Variants in DYNC1LI2 observed in about 807,000 individuals in gnomAD.
The protein encoded by DYNC1LI2 is cytoplasmic dynein 1 light intermediate chain 2.
A neutral mutation model predicts 57.8 loss-of-function variants in DYNC1LI2; 19 were observed. The ratio of observed to expected loss-of-function variants is 0.33; its 90% CI spans 0.23 to 0.48. The LOEUF (loss-of-function observed/expected upper bound fraction) is 0.48. Ranked by LOEUF, DYNC1LI2 falls within the 20% of genes least tolerant of loss-of-function variation. DYNC1LI2 has a pLI of 0.99. For synonymous variants in DYNC1LI2, 256 were observed against 233.4 expected, an observed-to-expected ratio of 1.10 and a Z score of -0.88; for missense variants, 470 against 604.2, an observed-to-expected ratio of 0.78 and a Z score of 2.33.
chr16:66,732,112 G>C (rs147393211), intron 7 of DYNC1LI2: 3 of 495,884 alleles, frequency 6.0e-6, no homozygotes, highest in Non-Finnish European at 1.0e-5. Context: ...GGCTGGCTTA[G>C]GTTTTGGCAA....
At position 66,721,354 on chromosome 16, in the gene DYNC1LI2, C is replaced by G. The variant is rs765289619; in HGVS notation, c.*2368G>C. The G allele has an allele frequency of 1.1e-4, 17 of 152,128 alleles. No individual in the cohort carries two copies. The highest frequency in any genetic ancestry group is 6.9e-3 in the Middle Eastern group (2 of 290). 9.4% of individuals were successfully genotyped at this position (152,128 alleles called of 1,614,324 possible). On this transcript the variant is annotated 3_prime_UTR_variant, in exon 13 of 13. Coordinates refer to ENST00000258198, the MANE Select transcript of DYNC1LI2 (RefSeq NM_006141.3). ...CTGATTTTTTTTTTTATTTTAAAGA[C>G]AAAAAGCAGATGTAACCATTATAAT... is the stretch of plus-strand genomic sequence containing the variant.
Position 66,751,307 on chromosome 16 carries a change from G to A in DYNC1LI2, c.147C>T (p.Ser49=). 1 of 1,612,378 alleles carries A rather than the reference G, an allele frequency of 6.2e-7. No individual in the cohort carries two copies. Among genetic ancestry groups the A allele is most frequent in the Non-Finnish European group, 8.5e-7 (1 of 1,179,190 alleles). The stretch of plus-strand genomic sequence containing the variant: ...GGATGTTCTTGCCGGACGGCAGCTT[G>A]GACCTGGCGCGGGTGGACACTTCGC... ...ILSEVSTRAR[S]KLPSGKNILV... Residue 49 remains serine (S), a synonymous_variant, in exon 2 of 13, where the codon TCC becomes TCT. Transcript: ENST00000258198. This position sits in a 1 kb window ranked among gnomAD's most constrained non-coding sequence, Gnocchi z 5.2.
chr16:66,725,818 C>A lies in DYNC1LI2; in HGVS notation c.1378+10G>T. On this transcript the variant is annotated intron_variant, in intron 12 of 12. Transcript: ENST00000258198. The stretch of plus-strand genomic sequence containing the variant: ...CACAAGAGTCACAAGTCTCCAGGGC[C>A]CTTCTGTACCTGACTTCTTGGCTGT... 1 of 1,610,480 alleles carries A rather than the reference C, an allele frequency of 6.2e-7. No individual in the cohort carries two copies. Among genetic ancestry groups the A allele is most frequent in the South Asian group, 1.1e-5 (1 of 90,448 alleles).
At chr16:66,728,380 C>A (rs28701061) in intron 9 of DYNC1LI2, 138 bp from the exon 10 acceptor site, 3 of 946,984 alleles carry the variant, frequency 3.2e-6, no homozygotes, top group South Asian at 2.0e-5. Context: ...ACCACAGATG[C>A]CAAAAAATTT....
Position 66,742,523 on chromosome 16 carries a change from A to G in DYNC1LI2, c.444T>C (p.Ser148=), listed in dbSNP as rs1189794556. 1 of 1,614,250 alleles carries G rather than the reference A, an allele frequency of 6.2e-7. No homozygotes were observed. The highest frequency in any genetic ancestry group is 8.5e-7 in the Non-Finnish European group (1 of 1,180,050). The part of the protein sequence containing the change: ...DMSRPWTVME[S]LQKWASVLRE... Reference sequence around the variant, plus strand: ...GTAAAACACTAGCCCATTTCTGCAGAGATTCCATCACAGTCCAAGGTCTAG... The same window carrying G: ...GTAAAACACTAGCCCATTTCTGCAGGGATTCCATCACAGTCCAAGGTCTAG... Residue 148 remains serine, a synonymous_variant, in exon 4 of 13, where the codon TCT becomes TCC. Transcript: ENST00000258198.
chr16:66,749,629 G>A (rs1284275323), intron 2 of DYNC1LI2, among the ~76,000 whole-genome samples: 1 of 152,132 alleles, frequency 6.6e-6, no homozygotes, highest in Non-Finnish European at 1.5e-5. Flanking sequence ...AGAAGTGAAA[G>A]TAAAAGGTAG....
At chr16:66,736,872 T>C (rs75810728) in intron 4 of DYNC1LI2, among the ~76,000 whole-genome samples, 2,229 of 152,364 alleles carry the variant, frequency 0.015, 48 homozygotes, top group African/African-American at 0.051. Context: ...ACTTTTCTTA[T>C]GTATCTTACA....
rs1226074675 is a variant in DYNC1LI2, at chr16:66,723,633, A to G, written c.*89T>C. 7.0e-6 allele frequency: 8 copies of G among 1,144,386 alleles called. No homozygotes were observed. The highest frequency in any genetic ancestry group is 1.0e-5 in the Non-Finnish European group (8 of 803,726). 70.9% of individuals were successfully genotyped at this position (1,144,386 alleles called of 1,614,324 possible). A position where few individuals can be genotyped will look rare whatever the true frequency, so the allele number is the denominator to read the frequency against. On this transcript the variant is annotated 3_prime_UTR_variant, in exon 13 of 13. Coordinates refer to ENST00000258198, the MANE Select transcript of DYNC1LI2 (RefSeq NM_006141.3). ...ATCTCCCCTGCCCCAAAAAACTGAT[A>G]GCATGTGCCATATCAGAAAAATCCT...
intron 4 of DYNC1LI2, among the ~76,000 whole-genome samples, chr16:66,740,488 G>A (rs947473354): frequency 6.6e-6 from 1 of 152,174 alleles, no homozygotes; most frequent in South Asian, 2.1e-4. Context: ...ATCTGAGAAG[G>A]GGTGGTGACA....
chr16:66,728,292 C>G, intron 9 of DYNC1LI2, 50 bp from the exon 10 acceptor site: 1 of 1,609,328 alleles, frequency 6.2e-7, no homozygotes, highest in Non-Finnish European at 8.5e-7. Context: ...GCAGAGAGCA[C>G]TGAAGGTCTA....
chr16:66,734,145 C>T (rs987214891), intron 6 of DYNC1LI2, 73 bp downstream of exon 6: 37 of 1,429,522 alleles, frequency 2.6e-5, no homozygotes, highest in Non-Finnish European at 3.1e-5. Flanking sequence ...TTGGGAGGTG[C>T]TTTATCTCTT....
intron 11 of DYNC1LI2, among the ~76,000 whole-genome samples, 197 bp downstream of exon 11, chr16:66,727,491 G>C (rs776440346): frequency 2.3e-4 from 35 of 152,192 alleles, no homozygotes; most frequent in Non-Finnish European, 3.4e-4. Flanking sequence ...TCTAACAAAG[G>C]AACAGGCCCT....
chr16:66,744,416 T>C (rs557474334), intron 3 of DYNC1LI2, among the ~76,000 whole-genome samples: 1 of 152,326 alleles, frequency 6.6e-6, no homozygotes, highest in East Asian at 1.9e-4. Context: ...CTCTCTACTT[T>C]GTATATATTT....
chr16:66,727,743 A>G lies in DYNC1LI2; in HGVS notation c.1206T>C (p.Ser402=), dbSNP rs1228045317. The G allele has an allele frequency of 1.2e-6, 2 of 1,614,060 alleles. No individual in the cohort carries two copies. Among genetic ancestry groups the G allele is most frequent in the East Asian group, 2.2e-5 (1 of 44,900 alleles). The change falls in exon 11 of 13, where the codon AGT becomes AGC. Residue 402 remains serine (S), a synonymous_variant. Coordinates refer to ENST00000258198, the MANE Select transcript of DYNC1LI2 (RefSeq NM_006141.3). Reference sequence around the variant, plus strand: ...ACGTGCCTGGGGAGGAGCTAGGCACACTGGCTGGCCCTCCCCGACCCTGGG... The same window carrying G: ...ACGTGCCTGGGGAGGAGCTAGGCACGCTGGCTGGCCCTCCCCGACCCTGGG... ...PRTQGRGGPA[S]VPSSSPGTSV...
At chr16:66,735,538 G>A (rs539763158) in intron 5 of DYNC1LI2, among the ~76,000 whole-genome samples, 3 of 151,266 alleles carry the variant, frequency 2.0e-5, no homozygotes, top group African/African-American at 4.9e-5. Context: ...ACGGAGTCTC[G>A]CTCTATCGCT....
rs1195292429 is a variant in DYNC1LI2 at position 66,723,539 on chromosome 16, G to A, written c.*183C>T. 3.0e-6 allele frequency: 2 copies of A among 673,970 alleles called. No individual in the cohort carries two copies. Among genetic ancestry groups the A allele is most frequent in the Admixed American group, 2.2e-5 (1 of 44,852 alleles). The allele number at this position is 673,970 out of a possible 1,614,324, so 41.7% of individuals were successfully genotyped here. On this transcript the variant is annotated 3_prime_UTR_variant, in exon 13 of 13. Transcript: ENST00000258198. The stretch of plus-strand genomic sequence containing the variant: ...TTATCCTTAACAAAGGGTCTGACAT[G>A]TAACCTTCCTAAATGTGCATTTCAC...
In DYNC1LI2 at chr16:66,745,674, C is replaced by T. The variant is rs1426357379; in HGVS notation, c.299-3006G>A. Among the ~76,000 whole-genome samples the T allele has an allele frequency of 6.6e-5, 10 of 151,242 alleles. No homozygotes were observed. The South Asian group carries it at 1.9e-3, about 29-fold the overall frequency. ...ATCCCAGCACTTTGGGAGTCTGAGG[C>T]GGGTGGATCACTTGAGCTCAAGAGT... On this transcript the variant is annotated intron_variant, in intron 3 of 12. Coordinates refer to ENST00000258198, the MANE Select transcript of DYNC1LI2 (RefSeq NM_006141.3).
Position 66,725,958 on chromosome 16 carries a change from A to C in DYNC1LI2, c.1262-14T>G. 1.2e-6 allele frequency: 2 copies of C among 1,605,604 alleles called. No homozygotes were observed. Among genetic ancestry groups the C allele is most frequent in the Non-Finnish European group, 1.7e-6 (2 of 1,177,434 alleles). On this transcript the variant is annotated splice_polypyrimidine_tract_variant and intron_variant, in intron 11 of 12. Coordinates refer to ENST00000258198, the MANE Select transcript of DYNC1LI2 (RefSeq NM_006141.3). ...TTGCTGCATTATCTAAGGAAAATTA[A>C]AGAGAAAAAAAAGCATCATATAAAC...
intron 8 of DYNC1LI2, 132 bp from the exon 9 acceptor site, chr16:66,729,231 A>G (rs2017590900): frequency 9.9e-6 from 10 of 1,007,584 alleles, no homozygotes; most frequent in Non-Finnish European, 1.6e-5. Flanking sequence ...GAGACTGCAG[A>G]GTAATATTTT....
Sources: allele counts gnomAD v4.1 joint callset (sites outside exome capture counted in the v4.1 genomes callset), GRCh38; gene constraint gnomAD v4.1.1; non-coding constraint Gnocchi (gnomAD v3.1); transcripts MANE v1.5; gene names NCBI Gene and HGNC (gene_info 2026-07-23, HGNC 2026-07-21).